Variants in PHIP observed in about 807,000 individuals in gnomAD.
PHIP encodes PH-interacting protein.
PHIP carries 54 observed loss-of-function variants against 236.8 expected under a neutral mutation model. The ratio of observed to expected loss-of-function variants is 0.23; its 90% confidence interval spans 0.18 to 0.29. The LOEUF (loss-of-function observed/expected upper bound fraction) is 0.29, where lower values mean the gene tolerates loss of function less well. Ranked by LOEUF, PHIP falls within the 10% of genes least tolerant of loss-of-function variation. The pLI is 1.00. For missense variants in PHIP, 1,370 were observed against 2,190.8 expected, an observed-to-expected ratio of 0.63 and a Z score of 7.48; for synonymous variants, 756 against 718.9, an observed-to-expected ratio of 1.05 and a Z score of -0.83.
At chr6:78,965,629 G>A in intron 29 of PHIP, 74 bp downstream of exon 29, 2 of 841,302 alleles carry the variant, frequency 2.4e-6, no homozygotes, top group South Asian at 1.6e-5. Flanking sequence ...GTGGTAGCAT[G>A]TTAGCAAATC....
intron 7 of PHIP, among the ~76,000 whole-genome samples, chr6:79,036,217 T>C (rs757961454): frequency 1.3e-5 from 2 of 152,198 alleles, no homozygotes; most frequent in Non-Finnish European, 2.9e-5. Flanking sequence ...TATTGAAAAG[T>C]AGAAACTGTT....
intron 8 of PHIP, 141 bp from the exon 9 acceptor site, chr6:79,025,760 C>T (rs1471919732): frequency 1.0e-5 from 7 of 702,708 alleles, no homozygotes; most frequent in Non-Finnish European, 1.5e-5. Flanking sequence ...ATTTAAAGTC[C>T]ATATATTTAT....
chr6:79,018,076 A>C (rs1770921018), intron 10 of PHIP, among the ~76,000 whole-genome samples: 1 of 151,952 alleles, frequency 6.6e-6, no homozygotes, highest in Non-Finnish European at 1.5e-5. Context: ...CTTGCATTAC[A>C]GTTATTTGTA....
chr6:79,026,603 T>C (rs986782334), intron 7 of PHIP, among the ~76,000 whole-genome samples: 5 of 152,070 alleles, frequency 3.3e-5, no homozygotes, highest in Non-Finnish European at 5.9e-5. Flanking sequence ...GAGTTTCCTA[T>C]CACTGATCTT....
Position 78,965,944 on chromosome 6 carries a change from C to T in PHIP, c.3317+1G>A. ...CTAAAATACAACAAATATTTCCTTA[C>T]CAAACATTGTAGCATTGAAACAGAC... On this transcript the variant is annotated splice_donor_variant, in intron 28 of 39. Coordinates refer to ENST00000275034, the MANE Select transcript of PHIP (RefSeq NM_017934.7). LOFTEE classifies it high-confidence loss of function. The T allele has an allele frequency of 6.3e-7, 1 of 1,588,898 alleles. No homozygotes were observed. The highest frequency in any genetic ancestry group is 8.6e-7 in the Non-Finnish European group (1 of 1,157,194).
chr6:78,999,308 T>C (rs777789944), intron 17 of PHIP, among the ~76,000 whole-genome samples: 1 of 152,062 alleles, frequency 6.6e-6, no homozygotes, highest in African/African-American at 2.4e-5. Context: ...AACATGACAA[T>C]CTCTTAACTT....
At chr6:79,015,907 G>A (rs970555332) in intron 13 of PHIP, 124 bp from the exon 14 acceptor site, 38 of 626,350 alleles carry the variant, frequency 6.1e-5, no homozygotes, top group Non-Finnish European at 2.4e-5. Flanking sequence ...CAGTAACTGA[G>A]AAGTTTGAAT....
At chr6:79,022,090 T>C (rs368296497) in intron 9 of PHIP, among the ~76,000 whole-genome samples, 2 of 152,324 alleles carry the variant, frequency 1.3e-5, no homozygotes, top group South Asian at 2.1e-4. Context: ...AATTTGTTTT[T>C]AGATGCATTA....
In PHIP at chr6:79,032,247, TG is replaced by T; in HGVS notation, c.601-6084del. 2.0e-5 allele frequency among the ~76,000 whole-genome samples: 3 copies of T among 152,350 alleles called. No individual in the cohort carries two copies. The South Asian group carries it at 6.2e-4, about 32-fold the overall frequency. On this transcript the variant is annotated intron_variant, in intron 7 of 39. Coordinates refer to ENST00000275034, the MANE Select transcript of PHIP (RefSeq NM_017934.7). ...TGTTGGCTGATCAGGGTGGAGTTGC[TG>T]AAGGTTGGGGTAGCTGTGACAACTT... is the stretch of plus-strand genomic sequence containing the variant.
rs145115100 is a variant in PHIP at position 78,972,808 on chromosome 6, C to A, written c.2890-1920G>T. On this transcript the variant is annotated intron_variant, in intron 24 of 39. Transcript: ENST00000275034. ...GGAAGATGAAATGAATGAAATGAAG[C>A]GAGAAGGGAAGTTTAGAGAAAAAAA... 4.6e-5 allele frequency among the ~76,000 whole-genome samples: 7 copies of A among 151,770 alleles called. No individual in the cohort carries two copies. The South Asian group carries it at 1.3e-3, about 27-fold the overall frequency.
intron 39 of PHIP, among the ~76,000 whole-genome samples, chr6:78,943,672 A>T (rs1294133497): frequency 6.6e-6 from 1 of 152,164 alleles, no homozygotes; most frequent in Non-Finnish European, 1.5e-5. Context: ...GGTAATGAAC[A>T]GGGTTTTCTG....
intron 6 of PHIP, among the ~76,000 whole-genome samples, chr6:79,050,143 T>C (rs572168854): frequency 1.3e-5 from 2 of 152,144 alleles, no homozygotes; most frequent in Admixed American, 1.3e-4. Flanking sequence ...AAAAGTCTTA[T>C]CTGCTGCAAT....
rs1312893445 is a variant in PHIP at position 78,935,712 on chromosome 6, C to T, written c.*4981G>A. ...CAGTTTTCACACTTTGCAAAACACA[C>T]AGGGCACTGGAAACTCTAATGAACC... On this transcript the variant is annotated 3_prime_UTR_variant, in exon 40 of 40. Transcript: ENST00000275034. 4.1e-6 allele frequency: 4 copies of T among 984,982 alleles called. No homozygotes were observed. The highest frequency in any genetic ancestry group is 4.8e-6 in the Non-Finnish European group (4 of 829,668). The allele number at this position is 984,982 out of a possible 1,614,324, so 61.0% of individuals were successfully genotyped here.
At chr6:79,043,936 C>CA in intron 6 of PHIP, among the ~76,000 whole-genome samples, 1 of 150,988 alleles carries the variant, frequency 6.6e-6, no homozygotes, top group Non-Finnish European at 1.5e-5. Context: ...ATACAAAATA[C>CA]TACTTAGCCA....
chr6:79,009,134 C>A (rs765287436), intron 15 of PHIP, among the ~76,000 whole-genome samples: 1 of 152,008 alleles, frequency 6.6e-6, no homozygotes, highest in Non-Finnish European at 1.5e-5. Flanking sequence ...AGCTTCTCGA[C>A]CATCCTATAA....
rs998764683 is a variant in PHIP at position 78,976,724 on chromosome 6, C to T, written c.2889+1868G>A. On this transcript the variant is annotated intron_variant, in intron 24 of 39. Coordinates refer to ENST00000275034, the MANE Select transcript of PHIP (RefSeq NM_017934.7). ...TCAAAAAGTGGGCGAAGGACATGAA[C>T]AGACACTTCTCAAAAGAAGACATTT... Among the ~76,000 whole-genome samples, 7 of 146,852 alleles carry T rather than the reference C, an allele frequency of 4.8e-5. No individual in the cohort carries two copies. The South Asian group carries it at 6.7e-4, about 14-fold the overall frequency.
intron 7 of PHIP, among the ~76,000 whole-genome samples, chr6:79,041,569 A>C (rs1422419114): frequency 1.3e-5 from 2 of 152,054 alleles, no homozygotes; most frequent in Non-Finnish European, 2.9e-5. Flanking sequence ...AATTCTTTCA[A>C]ACATTAGAAA....
Position 78,963,098 on chromosome 6 carries a change from T to C in PHIP, c.3534A>G (p.Leu1178=). The C allele has an allele frequency of 6.3e-7, 1 of 1,592,802 alleles. No homozygotes were observed. The highest frequency in any genetic ancestry group is 8.5e-7 in the Non-Finnish European group (1 of 1,171,696). Residue 1178 remains leucine, a splice_region_variant and synonymous_variant, in exon 30 of 40, where the codon CTA becomes CTG. Coordinates refer to ENST00000275034, the MANE Select transcript of PHIP (RefSeq NM_017934.7). The part of the protein sequence containing the change: ...IVAGINQLMT[L]DIASAFVAPV... Reference sequence around the variant, plus strand: ...ATACTCGCGTGTTGCTTTACTTACCTAGTGTCATCAACTGGTTTATTCCTG... The same window carrying C: ...ATACTCGCGTGTTGCTTTACTTACCCAGTGTCATCAACTGGTTTATTCCTG...
At chr6:78,999,351 A>C (rs1414604192) in intron 17 of PHIP, among the ~76,000 whole-genome samples, 1 of 152,172 alleles carries the variant, frequency 6.6e-6, no homozygotes, top group East Asian at 1.9e-4. Flanking sequence ...TGGCAATTCC[A>C]TGACATTTCC....
Sources: allele counts gnomAD v4.1 joint callset (sites outside exome capture counted in the v4.1 genomes callset), GRCh38; gene constraint gnomAD v4.1.1; transcripts MANE v1.5; gene names NCBI Gene and HGNC (gene_info 2026-07-23, HGNC 2026-07-21).